Variants in MYL4 observed in about 807,000 individuals in gnomAD.
MYL4 encodes atrial myosin light chain 1.
Under a neutral mutation model 21.6 loss-of-function variants are expected in MYL4, and 16 were observed. The ratio of observed to expected loss-of-function variants is 0.74; its 90% confidence interval spans 0.50 to 1.12. The LOEUF (loss-of-function observed/expected upper bound fraction) is 1.12. Ranked by LOEUF, MYL4 falls within the 50% of genes most tolerant of loss-of-function variation. MYL4 has a pLI of 0.00. For synonymous variants in MYL4, 82 were observed against 95.7 expected (o/e 0.86, Z 0.83); for missense variants, 249 against 252.9 (o/e 0.98, Z 0.11).
chr17:47,199,849 C>T (rs944214820), upstream of MYL4, among the ~76,000 whole-genome samples: 1 of 151,220 alleles, frequency 6.6e-6, no homozygotes, highest in African/African-American at 2.4e-5. Flanking sequence ...GATCCTCCCA[C>T]CTCAGCCTCT....
upstream of MYL4, among the ~76,000 whole-genome samples, chr17:47,206,063 A>G (rs1188679149): frequency 6.6e-6 from 1 of 152,186 alleles, no homozygotes; most frequent in Non-Finnish European, 1.5e-5. Context: ...GCAGTGCCTT[A>G]CTTAACATTA....
intron 5 of MYL4, 139 bp downstream of exon 5, chr17:47,222,596 C>A: frequency 1.4e-6 from 1 of 724,478 alleles, no homozygotes; most frequent in South Asian, 1.7e-5. Flanking sequence ...TGTTCTGTTC[C>A]ATCTTGTGAG....
At chr17:47,215,252 A>C (rs1319619298) in intron 2 of MYL4, among the ~76,000 whole-genome samples, 2 of 152,360 alleles carry the variant, frequency 1.3e-5, no homozygotes, top group Middle Eastern at 3.4e-3. Flanking sequence ...ATATAGAAAC[A>C]CAATGACACT....
At chr17:47,191,606 G>T in the MYL4 span, among the ~76,000 whole-genome samples, 12 of 152,252 alleles carry the variant, frequency 7.9e-5, no homozygotes, top group African/African-American at 2.9e-4. Context: ...GAGTAGCTGG[G>T]ATTGCAGGTG....
intron 1 of MYL4, among the ~76,000 whole-genome samples, chr17:47,213,293 A>AG (rs2064789450): frequency 6.6e-6 from 1 of 152,122 alleles, no homozygotes; most frequent in African/African-American, 2.4e-5. Context: ...AGAGCTTTGG[A>AG]GTCTGCATTA....
At chr17:47,221,421 G>A (rs1469180985) in intron 3 of MYL4, among the ~76,000 whole-genome samples, 1 of 152,168 alleles carries the variant, frequency 6.6e-6, no homozygotes, top group Non-Finnish European at 1.5e-5. Flanking sequence ...TCTGGGTGGA[G>A]GGCTCCTTTT....
At chr17:47,212,257 G>A (rs912230028) in intron 1 of MYL4, among the ~76,000 whole-genome samples, 7 of 152,142 alleles carry the variant, frequency 4.6e-5, no homozygotes, top group African/African-American at 1.7e-4. Context: ...GATGACTTAT[G>A]CTTGGCCATT....
chr17:47,209,663 T>C (rs1351787182), intron 1 of MYL4, 106 bp downstream of exon 1: 1 of 1,563,474 alleles, frequency 6.4e-7, no homozygotes, highest in Non-Finnish European at 8.8e-7. Flanking sequence ...GGATGAGGAC[T>C]AGGGTGTCCA....
intron 2 of MYL4, among the ~76,000 whole-genome samples, chr17:47,219,443 T>C (rs958190156): frequency 6.6e-6 from 1 of 151,640 alleles, no homozygotes; most frequent in Non-Finnish European, 1.5e-5. Flanking sequence ...ATTTCAGGAG[T>C]CAGGAACCTC....
intron 4 of MYL4, 69 bp from the exon 5 acceptor site, chr17:47,222,311 C>T (rs765464248): frequency 8.0e-5 from 115 of 1,442,850 alleles, no homozygotes; most frequent in Non-Finnish European, 1.1e-4. Flanking sequence ...TAAGGGGGTA[C>T]TTGGGTATTG....
intron 2 of MYL4, among the ~76,000 whole-genome samples, chr17:47,216,768 C>T (rs1249722856): frequency 6.7e-6 from 1 of 150,202 alleles, no homozygotes; most frequent in Admixed American, 6.7e-5. Context: ...GATCTCTGCT[C>T]ACCGCAACCT....
chr17:47,210,990 G>A (rs2149041930), intron 1 of MYL4, among the ~76,000 whole-genome samples: 1 of 152,166 alleles, frequency 6.6e-6, no homozygotes, highest in East Asian at 1.9e-4. Context: ...TGTCCCTGGT[G>A]TCTGGGCAAC....
At position 47,209,490 on chromosome 17, in the gene MYL4, C is replaced by T. The variant is rs764371297; in HGVS notation, c.68C>T (p.Pro23Leu). The change falls in exon 1 of 7, where the codon CCT becomes CTT. Residue 23 changes from proline (P) to leucine (L), a missense_variant. By Grantham distance (98) the Pro-to-Leu change is moderately conservative. Transcript: ENST00000393450. ...CCAGCTCCAGCTCCAGCTCCAGCCC[C>T]TGCACCAGCCCCTGCCCCAGCTCCT... ...AKPAPAPAPA[P>L]APAPAPAPEA... 2 of 1,614,214 alleles carry T rather than the reference C, an allele frequency of 1.2e-6. No homozygotes were observed. Among genetic ancestry groups the T allele is most frequent in the Admixed American group, 3.3e-5 (2 of 60,032 alleles).
At chr17:47,189,880 G>A in the MYL4 span, among the ~76,000 whole-genome samples, 6 of 152,276 alleles carry the variant, frequency 3.9e-5, no homozygotes, top group East Asian at 1.2e-3. Flanking sequence ...GAAAAGCAGT[G>A]TAACAGAGAA....
rs745710105 is a variant in MYL4 at position 47,221,741 on chromosome 17, C to T, written c.373C>T (p.Arg125Cys). The T allele has an allele frequency of 1.8e-5, 29 of 1,613,998 alleles. No individual in the cohort carries two copies. Among genetic ancestry groups the T allele is most frequent in the South Asian group, 4.4e-5 (4 of 91,072 alleles). Residue 125 changes from arginine to cysteine, a missense_variant, in exon 4 of 7, where the codon CGC becomes TGC. Physicochemically the swap from Arg to Cys is radical, Grantham distance 180. Transcript: ENST00000393450. ...CTTGCCCATCCTGCAGCACATTTCC[C>T]GCAACAAGGAGCAGGGCACCTATGA... is the stretch of plus-strand genomic sequence containing the variant. ...TFLPILQHISRNKEQGTYEDF... is the reference protein window; with the variant it reads ...TFLPILQHISCNKEQGTYEDF...
intron 2 of MYL4, among the ~76,000 whole-genome samples, chr17:47,214,384 A>G (rs1289815156): frequency 6.6e-6 from 1 of 152,206 alleles, no homozygotes; most frequent in Admixed American, 6.5e-5. Context: ...TGGCAGGGCC[A>G]ATGAAATGTT....
chr17:47,189,975 GAA>G, the MYL4 span, among the ~76,000 whole-genome samples: 1 of 151,738 alleles, frequency 6.6e-6, no homozygotes, highest in African/African-American at 2.4e-5. Context: ...TCTATGGAAG[GAA>G]AAAAAAGTTT....
intron 2 of MYL4, among the ~76,000 whole-genome samples, chr17:47,214,169 T>G (rs1373790210): frequency 6.6e-6 from 1 of 152,166 alleles, no homozygotes. Flanking sequence ...TGATTCCAGA[T>G]CTGTTTCCTC....
At chr17:47,218,886 C>T (rs2064834177) in intron 2 of MYL4, among the ~76,000 whole-genome samples, 1 of 152,252 alleles carries the variant, frequency 6.6e-6, no homozygotes, top group East Asian at 1.9e-4. Flanking sequence ...TGCAGGGATA[C>T]TTGCCCTGCT....
Sources: allele counts gnomAD v4.1 joint callset (sites outside exome capture counted in the v4.1 genomes callset), GRCh38; gene constraint gnomAD v4.1.1; transcripts MANE v1.5; gene names NCBI Gene and HGNC (gene_info 2026-07-23, HGNC 2026-07-21).